Variants in CDH13 observed in about 807,000 individuals in gnomAD.
CDH13 encodes cadherin 13, also known as cadherin-13.
Under a neutral mutation model 63.8 loss-of-function variants are expected in CDH13, and 24 were observed. The observed-to-expected ratio is 0.38, with a 90% CI of 0.27 to 0.53. CDH13 has a LOEUF of 0.53. Among genes scored for constraint, CDH13 ranks in the 20% least tolerant of loss-of-function variants. The pLI, the probability that CDH13 is intolerant of heterozygous loss-of-function variation, is 0.85. For synonymous variants in CDH13, 503 were observed against 355.3 expected (o/e 1.42, Z -4.67); for missense variants, 1,049 against 903.1 (o/e 1.16, Z -2.07).
chr16:83,345,037 T>C (rs777976156), intron 6 of CDH13, 31 bp downstream of exon 6: 1 of 1,606,136 alleles, frequency 6.2e-7, no homozygotes, highest in East Asian at 2.2e-5. Flanking sequence ...TTTAGCGTAA[T>C]GGCTTGGAAA....
At chr16:82,804,980 A>G (rs1372858808) in intron 1 of CDH13, among the ~76,000 whole-genome samples, 1 of 152,234 alleles carries the variant, frequency 6.6e-6, no homozygotes, top group East Asian at 1.9e-4. Flanking sequence ...CAGATGTTCA[A>G]GGATGATATT....
In CDH13 at chr16:82,882,930, A is replaced by C. The variant is rs548108732; in HGVS notation, c.157+24457A>C. 2.0e-5 allele frequency among the ~76,000 whole-genome samples: 3 copies of C among 152,126 alleles called. No homozygotes were observed. In the South Asian group the frequency reaches 6.2e-4, roughly 32 times the overall value. ...AAATGAAGGAAGCATGTATAAGCCT[A>C]CCCCTTTAATGGGAGGGTTCAATAA... On this transcript the variant is annotated intron_variant, in intron 2 of 13. Transcript: ENST00000567109.
At chr16:83,529,578 G>GA (rs1479636351) in intron 7 of CDH13, among the ~76,000 whole-genome samples, 8 of 151,872 alleles carry the variant, frequency 5.3e-5, no homozygotes, top group African/African-American at 1.7e-4. Context: ...ATTTTTTTGT[G>GA]AAAAAAATCA....
At chr16:83,689,907 C>G (rs766710224) in intron 10 of CDH13, among the ~76,000 whole-genome samples, 13 of 152,138 alleles carry the variant, frequency 8.5e-5, no homozygotes, top group Non-Finnish European at 1.5e-5. Context: ...ATCTGTTGGC[C>G]GGGAGCAGTG....
intron 7 of CDH13, among the ~76,000 whole-genome samples, chr16:83,533,926 A>C (rs2075134983): frequency 6.6e-6 from 1 of 152,104 alleles, no homozygotes; most frequent in African/African-American, 2.4e-5. Flanking sequence ...TGGCACGTTA[A>C]TCTATTTTAA....
At chr16:83,081,501 G>A (rs1298329350) in intron 3 of CDH13, among the ~76,000 whole-genome samples, 1 of 152,172 alleles carries the variant, frequency 6.6e-6, no homozygotes, top group Non-Finnish European at 1.5e-5. Flanking sequence ...AGAGAATACT[G>A]ATTTCTCCTT....
intron 1 of CDH13, among the ~76,000 whole-genome samples, chr16:82,667,942 G>T (rs1374340028): frequency 1.3e-5 from 2 of 152,138 alleles, no homozygotes; most frequent in Non-Finnish European, 2.9e-5. Flanking sequence ...ACCTGTATTT[G>T]TCACGCTGAC....
At chr16:82,733,096 A>G (rs558831079) in intron 1 of CDH13, among the ~76,000 whole-genome samples, 4 of 152,274 alleles carry the variant, frequency 2.6e-5, no homozygotes, top group South Asian at 2.1e-4. Flanking sequence ...GATTGTGACA[A>G]AGTCTTCAAG....
intron 5 of CDH13, among the ~76,000 whole-genome samples, chr16:83,288,504 G>C (rs2089382666): frequency 6.6e-6 from 1 of 152,184 alleles, no homozygotes; most frequent in Non-Finnish European, 1.5e-5. Flanking sequence ...GTGCAGGGCA[G>C]AGACAGGGTG....
At chr16:83,323,586 C>G (rs1349926281) in intron 5 of CDH13, among the ~76,000 whole-genome samples, 1 of 151,906 alleles carries the variant, frequency 6.6e-6, no homozygotes, top group African/African-American at 2.4e-5. Context: ...TGGCCAAAGA[C>G]CTCTCTACCT....
intron 3 of CDH13, among the ~76,000 whole-genome samples, chr16:83,061,402 C>G (rs964343378): frequency 2.6e-5 from 4 of 152,200 alleles, no homozygotes; most frequent in African/African-American, 9.7e-5. Context: ...TGCTAATCCT[C>G]TTTCCAAAAT....
intron 8 of CDH13, among the ~76,000 whole-genome samples, chr16:83,612,771 G>T (rs1908965883): frequency 6.6e-6 from 1 of 151,990 alleles, no homozygotes. Context: ...GGACTTACTG[G>T]ATAATCCAAG....
intron 1 of CDH13, among the ~76,000 whole-genome samples, chr16:82,643,148 C>A (rs1049686992): frequency 5.3e-5 from 8 of 152,150 alleles, no homozygotes; most frequent in Non-Finnish European, 1.0e-4. Flanking sequence ...TACATTAGCT[C>A]TCTGTAAATA....
chr16:83,713,143 C>T (rs551867091), intron 10 of CDH13, among the ~76,000 whole-genome samples: 1 of 152,218 alleles, frequency 6.6e-6, no homozygotes, highest in African/African-American at 2.4e-5. Flanking sequence ...CACCTAGCAG[C>T]AAACAGATCA....
chr16:82,707,579 G>A (rs960307525), intron 1 of CDH13, among the ~76,000 whole-genome samples: 1 of 152,216 alleles, frequency 6.6e-6, no homozygotes, highest in African/African-American at 2.4e-5. Flanking sequence ...ACATGACAGA[G>A]TGACCATAGC....
At chr16:83,073,615 T>C (rs150112631) in intron 3 of CDH13, among the ~76,000 whole-genome samples, 1 of 152,174 alleles carries the variant, frequency 6.6e-6, no homozygotes, top group East Asian at 1.9e-4. Context: ...CTATTGCAGA[T>C]TTTATTCCTG....
chr16:83,424,078 C>T (rs1446862180), intron 6 of CDH13, among the ~76,000 whole-genome samples: 2 of 151,540 alleles, frequency 1.3e-5, no homozygotes, highest in Non-Finnish European at 2.9e-5. Context: ...GGAAATCCAA[C>T]AGGGACTGAA....
chr16:82,931,601 C>G (rs1400377412), intron 2 of CDH13, among the ~76,000 whole-genome samples: 1 of 150,910 alleles, frequency 6.6e-6, no homozygotes, highest in Non-Finnish European at 1.5e-5. Context: ...ATACCTGAGA[C>G]TGGGTAATTT....
chr16:83,555,839 G>GTTT (rs2075588976), intron 7 of CDH13, among the ~76,000 whole-genome samples: 2 of 152,312 alleles, frequency 1.3e-5, no homozygotes, highest in African/African-American at 4.8e-5. Flanking sequence ...AAACATCTTA[G>GTTT]ACAGTTGCAA....
Sources: gnomAD v4.1 joint callset for allele counts (sites outside exome capture counted in the v4.1 genomes callset) on GRCh38, gnomAD v4.1.1 for gene constraint, MANE v1.5 for transcripts, NCBI Gene and HGNC (gene_info 2026-07-23, HGNC 2026-07-21) for gene names.